Variants in RUBCN observed in about 807,000 individuals in gnomAD.
RUBCN encodes rubicon autophagy regulator.
In RUBCN, 74 loss-of-function variants were observed where a neutral mutation model predicts 113.2. The observed-to-expected ratio is 0.65, with a 90% CI of 0.54 to 0.79. The LOEUF (loss-of-function observed/expected upper bound fraction) is 0.79. Among genes scored for constraint, RUBCN ranks in the 30% least tolerant of loss-of-function variants. The pLI, the probability that RUBCN is intolerant of heterozygous loss-of-function variation, is 0.00. For synonymous variants in RUBCN, 480 were observed against 490.0 expected (o/e 0.98, Z 0.27); for missense variants, 1,109 against 1,251.7 (o/e 0.89, Z 1.72).
intron 18 of RUBCN, chr3:197,676,622 T>C: frequency 7.4e-7 from 1 of 1,349,064 alleles, no homozygotes; most frequent in African/African-American, 1.5e-5. Flanking sequence ...CAACACTTCT[T>C]GAGTGAAAGT....
At chr3:197,693,290 TTCC>T (rs1722636348) in intron 11 of RUBCN, among the ~76,000 whole-genome samples, 1 of 152,242 alleles carries the variant, frequency 6.6e-6, no homozygotes. Flanking sequence ...CCTGATGTTT[TTCC>T]TCTTTTGTCC....
At chr3:197,749,721 G>T (rs1307319311), upstream of RUBCN, 7 of 619,778 alleles carry the variant, frequency 1.1e-5, no homozygotes, top group Non-Finnish European at 2.1e-5. Flanking sequence ...CCTCGCGAGC[G>T]CCTAGCACAG....
Position 197,675,704 on chromosome 3 carries a change from C to G in RUBCN, c.2647-189G>C, listed in dbSNP as rs1183085408. On this transcript the variant is annotated intron_variant, in intron 18 of 19. Coordinates refer to ENST00000296343, the MANE Select transcript of RUBCN (RefSeq NM_014687.4). The surrounding 1 kb of genome is among the most constrained non-coding windows in gnomAD (Gnocchi z 4.4). ...GGGCAGCGTTAGACAAAGCTTTAGG[C>G]AGAAGATCAGACAGGCACCAGCCGG... Among the ~76,000 whole-genome samples, 1 of 150,576 alleles carries G rather than the reference C, an allele frequency of 6.6e-6. No individual in the cohort carries two copies. The highest frequency in any genetic ancestry group is 1.5e-5 in the Non-Finnish European group (1 of 67,348).
intron 11 of RUBCN, among the ~76,000 whole-genome samples, chr3:197,688,421 G>A (rs1021513264): frequency 6.6e-6 from 1 of 152,188 alleles, no homozygotes. Flanking sequence ...GTGTACTCTT[G>A]AGAGTCTTCT....
At chr3:197,692,386 A>C (rs1722520131) in intron 11 of RUBCN, among the ~76,000 whole-genome samples, 1 of 151,830 alleles carries the variant, frequency 6.6e-6, no homozygotes, top group South Asian at 2.1e-4. Context: ...GACTATAAGC[A>C]TAAGCTTTCC....
chr3:197,741,721 G>A (rs62283407), upstream of RUBCN, among the ~76,000 whole-genome samples: 1,250 of 152,014 alleles, frequency 8.2e-3, 7 homozygotes, highest in South Asian at 0.016. Context: ...TACCTGGGAG[G>A]CTGAGGCAGG....
chr3:197,726,940 A>ATTTTT (rs1169226625), intron 1 of RUBCN, among the ~76,000 whole-genome samples: 64 of 131,776 alleles, frequency 4.9e-4, no homozygotes, highest in African/African-American at 1.8e-3. Flanking sequence ...TGCACATTCT[A>ATTTTT]TTTTTTTTTT....
chr3:197,689,624 G>A (rs773445884), intron 11 of RUBCN, among the ~76,000 whole-genome samples: 5 of 152,006 alleles, frequency 3.3e-5, no homozygotes, highest in African/African-American at 7.2e-5. Context: ...AATGACAGTC[G>A]TTCAGGAGTA....
At chr3:197,735,386 A>G (rs1293744755) in intron 1 of RUBCN, among the ~76,000 whole-genome samples, 1 of 152,244 alleles carries the variant, frequency 6.6e-6, no homozygotes, top group East Asian at 1.9e-4. Context: ...GGACAGGGTG[A>G]GGCTGTGTCT....
In RUBCN at chr3:197,694,518, A is replaced by G; in HGVS notation, c.1541T>C (p.Met514Thr). The change falls in exon 10 of 20, where the codon ATG becomes ACG. Residue 514 changes from methionine to threonine, a missense_variant. Physicochemically the swap from Met to Thr is moderately conservative, Grantham distance 81 (BLOSUM62 -1). Transcript: ENST00000296343. Reference protein sequence around the residue: ...AAIELMKCNMMSQCLEEEEVE... With the variant: ...AAIELMKCNMTSQCLEEEEVE... ...TTCCTCCTCCTCTAGGCACTGGCTC[A>G]TCATGTTGCACTTCATTAGCTCGAT... 1 of 1,614,206 alleles carries G rather than the reference A, an allele frequency of 6.2e-7. No individual in the cohort carries two copies. The highest frequency in any genetic ancestry group is 1.1e-5 in the South Asian group (1 of 91,082).
Position 197,718,133 on chromosome 3 carries a change from G to GC in RUBCN, c.66-4dup. On this transcript the variant is annotated splice_region_variant and splice_polypyrimidine_tract_variant and intron_variant, in intron 1 of 19. Transcript: ENST00000296343. The stretch of plus-strand genomic sequence containing the variant: ...CCAGCAACTGCCAGTGCTCCCTCCT[G>GC]CAAGGGCATCAGTTACACCAATCGT... 1 of 1,614,166 alleles carries GC rather than the reference G, an allele frequency of 6.2e-7. No homozygotes were observed. The highest frequency in any genetic ancestry group is 8.5e-7 in the Non-Finnish European group (1 of 1,180,022).
chr3:197,696,909 G>T, intron 8 of RUBCN, 45 bp downstream of exon 8: 3 of 1,031,056 alleles, frequency 2.9e-6, no homozygotes, highest in Non-Finnish European at 4.6e-6. Flanking sequence ...CAAGGGGTGA[G>T]CAGAGAAAAT....
chr3:197,724,283 T>A (rs1223957157), intron 1 of RUBCN, among the ~76,000 whole-genome samples: 2 of 152,034 alleles, frequency 1.3e-5, no homozygotes, highest in East Asian at 3.8e-4. Flanking sequence ...TAAGTAACAC[T>A]CAAGATTAAA....
At chr3:197,742,838 T>C (rs1157402228) in intron 1 of RUBCN, among the ~76,000 whole-genome samples, 2 of 152,252 alleles carry the variant, frequency 1.3e-5, no homozygotes, top group Non-Finnish European at 2.9e-5. Flanking sequence ...TGAGGATATC[T>C]TCGAAAAACA....
At chr3:197,734,860 T>C (rs183130026) in intron 1 of RUBCN, among the ~76,000 whole-genome samples, 27 of 152,350 alleles carry the variant, frequency 1.8e-4, no homozygotes, top group African/African-American at 5.8e-4. Context: ...CAGTTTCACT[T>C]AGCACAAATC....
chr3:197,719,065 T>C (rs1447518879), intron 1 of RUBCN, among the ~76,000 whole-genome samples: 1 of 152,194 alleles, frequency 6.6e-6, no homozygotes, highest in Non-Finnish European at 1.5e-5. Flanking sequence ...AGTTTTCCCA[T>C]GTGCCAACAG....
chr3:197,717,376 G>A (rs934660134), intron 2 of RUBCN, among the ~76,000 whole-genome samples: 5 of 151,346 alleles, frequency 3.3e-5, no homozygotes, highest in South Asian at 2.1e-4. Context: ...CCCGGGAGGC[G>A]GAGCTTGCAG....
intron 10 of RUBCN, 83 bp downstream of exon 10, chr3:197,694,292 A>T: frequency 8.6e-7 from 1 of 1,162,880 alleles, no homozygotes; most frequent in Non-Finnish European, 1.3e-6. Flanking sequence ...ATCTGACAGC[A>T]GAGGAACCAC....
chr3:197,697,358 C>T (rs1185000686), intron 7 of RUBCN, among the ~76,000 whole-genome samples: 1 of 152,226 alleles, frequency 6.6e-6, no homozygotes, highest in African/African-American at 2.4e-5. Flanking sequence ...CCAAACATTA[C>T]AGGAATATCA....
Sources: gnomAD v4.1 joint callset for allele counts (sites outside exome capture counted in the v4.1 genomes callset) on GRCh38, gnomAD v4.1.1 for gene constraint, Gnocchi (gnomAD v3.1) non-coding constraint, MANE v1.5 for transcripts, NCBI Gene and HGNC (gene_info 2026-07-23, HGNC 2026-07-21) for gene names.